AGBL4: variants seen among roughly 807,000 people sequenced by gnomAD.
The protein encoded by AGBL4 is cytosolic carboxypeptidase 6.
A neutral mutation model predicts 66.4 loss-of-function variants in AGBL4; 58 were observed. The ratio of observed to expected loss-of-function variants is 0.87; its 90% confidence interval spans 0.71 to 1.09. AGBL4 has a LOEUF of 1.09. Among genes scored for constraint, AGBL4 ranks in the 50% least tolerant of loss-of-function variants. The pLI, the probability that AGBL4 is intolerant of heterozygous loss-of-function variation, is 0.00. For missense variants in AGBL4, 579 were observed against 631.0 expected, an observed-to-expected ratio of 0.92 and a Z score of 0.88; for synonymous variants, 234 against 222.9, an observed-to-expected ratio of 1.05 and a Z score of -0.44.
intron 3 of AGBL4, among the ~76,000 whole-genome samples, chr1:49,308,381 TA>T (rs1644885681): frequency 6.6e-6 from 1 of 152,152 alleles, no homozygotes; most frequent in African/African-American, 2.4e-5. Context: ...CTTTAATGTC[TA>T]TGTAATAATT....
In AGBL4 at chr1:48,783,377, G is replaced by T. The variant is rs1054082828; in HGVS notation, c.634+83814C>A. Reference sequence around the variant, plus strand: ...CAGGGGAAGAGAATAGCAATGCAGAGGGGGAAGGAAGCAAAGAGAGGAGCT... The same window carrying T: ...CAGGGGAAGAGAATAGCAATGCAGATGGGGAAGGAAGCAAAGAGAGGAGCT... On this transcript the variant is annotated intron_variant, in intron 6 of 13. Coordinates refer to ENST00000371839, the MANE Select transcript of AGBL4 (RefSeq NM_032785.4). Among the ~76,000 whole-genome samples, 3 of 152,124 alleles carry T rather than the reference G, an allele frequency of 2.0e-5. No individual in the cohort carries two copies. In the South Asian group the frequency reaches 6.2e-4, roughly 32 times the overall value.
At chr1:48,664,160 A>T (rs1460839286) in intron 6 of AGBL4, among the ~76,000 whole-genome samples, 1 of 152,198 alleles carries the variant, frequency 6.6e-6, no homozygotes, top group Non-Finnish European at 1.5e-5. Context: ...AGCCTCACTG[A>T]GATTCAAGTT....
intron 5 of AGBL4, among the ~76,000 whole-genome samples, chr1:48,941,603 G>A (rs1655981646): frequency 6.6e-6 from 1 of 152,182 alleles, no homozygotes; most frequent in Non-Finnish European, 1.5e-5. Context: ...GTGTGGGGAA[G>A]AGCAATATTG....
At chr1:49,258,357 C>T (rs954675653) in intron 3 of AGBL4, among the ~76,000 whole-genome samples, 65 of 152,090 alleles carry the variant, frequency 4.3e-4, no homozygotes, top group African/African-American at 1.2e-3. Context: ...CAAACTACTC[C>T]GAGCTACAGA....
rs531592787 is a variant in AGBL4 at position 49,395,835 on chromosome 1, A to G, written c.283-149971T>C. On this transcript the variant is annotated intron_variant, in intron 3 of 13. Coordinates refer to ENST00000371839, the MANE Select transcript of AGBL4 (RefSeq NM_032785.4). ...TGTATACATATATATATATGTGTAT[A>G]TATATATATATATACACACATAAAT... Among the ~76,000 whole-genome samples the G allele has an allele frequency of 8.0e-4, 64 of 79,584 alleles. 1 individual carries two copies. Among genetic ancestry groups the G allele is most frequent in the South Asian group, 5.6e-3 (17 of 3,038 alleles). The allele number at this position is 79,584 out of a possible 152,430, so 52.2% of individuals were successfully genotyped here.
chr1:49,634,362 C>T (rs1300070538), intron 3 of AGBL4, among the ~76,000 whole-genome samples: 2 of 152,136 alleles, frequency 1.3e-5, no homozygotes, highest in African/African-American at 4.8e-5. Context: ...TGGTTTCCAG[C>T]TTCATCCATG....
intron 3 of AGBL4, among the ~76,000 whole-genome samples, chr1:49,631,571 C>A (rs1461841107): frequency 2.6e-5 from 4 of 152,122 alleles, no homozygotes; most frequent in Non-Finnish European, 4.4e-5. Context: ...TGTGTGGCCA[C>A]CTTGTGCCAG....
intron 6 of AGBL4, among the ~76,000 whole-genome samples, chr1:48,735,056 A>C (rs1056050053): frequency 6.6e-6 from 1 of 152,228 alleles, no homozygotes; most frequent in Non-Finnish European, 1.5e-5. Flanking sequence ...TCCGTAAAAT[A>C]GGAATTATAA....
At chr1:48,723,984 CG>C (rs1382223230) in intron 6 of AGBL4, among the ~76,000 whole-genome samples, 1 of 152,138 alleles carries the variant, frequency 6.6e-6, no homozygotes, top group Non-Finnish European at 1.5e-5. Context: ...TCAGCATGCA[CG>C]GGGGAAAGCC....
At chr1:48,884,380 G>A (rs949953559) in intron 5 of AGBL4, among the ~76,000 whole-genome samples, 3 of 133,816 alleles carry the variant, frequency 2.2e-5, no homozygotes, top group Admixed American at 7.8e-5. Flanking sequence ...TCACTGGTTC[G>A]AGAGCCTGGA....
In AGBL4 at chr1:49,886,487, T is replaced by A. The variant is rs748959138; in HGVS notation, c.35-34969A>T. ...GTATCCTAAAGAGAGTAAAAACCAA[T>A]CCCTGAAAAAAATAAAGCAAGGCAG... On this transcript the variant is annotated intron_variant, in intron 1 of 13. Transcript: ENST00000371839. Among the ~76,000 whole-genome samples the A allele has an allele frequency of 2.0e-5, 3 of 152,096 alleles. No individual in the cohort carries two copies. The South Asian group carries it at 6.2e-4, about 32-fold the overall frequency.
chr1:48,868,618 TC>T (rs1175888181), intron 5 of AGBL4, among the ~76,000 whole-genome samples: 18 of 152,304 alleles, frequency 1.2e-4, no homozygotes, highest in African/African-American at 4.3e-4. Flanking sequence ...AATAAAAAGA[TC>T]TATGCAGTAT....
chr1:49,669,551 GT>G (rs1460809733), intron 3 of AGBL4, among the ~76,000 whole-genome samples: 2 of 151,736 alleles, frequency 1.3e-5, no homozygotes, highest in African/African-American at 4.9e-5. Context: ...AGCTTTTTTT[GT>G]TCATTTGACC....
chr1:49,259,453 T>G (rs1312970244), intron 3 of AGBL4, among the ~76,000 whole-genome samples: 3 of 151,456 alleles, frequency 2.0e-5, no homozygotes, highest in African/African-American at 4.8e-5. Flanking sequence ...AATAAAAGGA[T>G]GGAGGAAGAT....
chr1:49,750,278 G>A (rs1651344685), intron 2 of AGBL4, among the ~76,000 whole-genome samples: 3 of 152,100 alleles, frequency 2.0e-5, no homozygotes, highest in Admixed American at 1.3e-4. Context: ...TGTATAAGGT[G>A]TAGGGAAGGG....
chr1:49,539,597 C>A (rs1651852632), intron 3 of AGBL4, among the ~76,000 whole-genome samples: 1 of 152,176 alleles, frequency 6.6e-6, no homozygotes, highest in African/African-American at 2.4e-5. Context: ...TACTGGATTA[C>A]TCAGGAAAGT....
intron 5 of AGBL4, among the ~76,000 whole-genome samples, chr1:48,950,228 C>T (rs1181521152): frequency 6.6e-6 from 1 of 152,102 alleles, no homozygotes; most frequent in Non-Finnish European, 1.5e-5. Flanking sequence ...TCCTGAGTAG[C>T]TGGGGTTACA....
intron 6 of AGBL4, among the ~76,000 whole-genome samples, chr1:48,853,043 A>G (rs1365047994): frequency 6.6e-6 from 1 of 152,186 alleles, no homozygotes; most frequent in Non-Finnish European, 1.5e-5. Context: ...ATGATAGGCT[A>G]TGGCTTCTCA....
intron 2 of AGBL4, among the ~76,000 whole-genome samples, chr1:49,762,289 C>T (rs77294108): frequency 8.1e-4 from 123 of 152,104 alleles, no homozygotes; most frequent in African/African-American, 2.8e-3. Context: ...GGTGGTACCT[C>T]AGTATAATTT....
Sources: gnomAD v4.1 joint callset for allele counts (sites outside exome capture counted in the v4.1 genomes callset) on GRCh38, gnomAD v4.1.1 for gene constraint, MANE v1.5 for transcripts, NCBI Gene and HGNC (gene_info 2026-07-23, HGNC 2026-07-21) for gene names.